PCDH15: variants seen among roughly 807,000 people sequenced by gnomAD.
PCDH15 encodes the protein protocadherin related 15, also known as protocadherin-15.
A neutral mutation model predicts 178.5 loss-of-function variants in PCDH15; 129 were observed. The ratio of observed to expected loss-of-function variants is 0.72; its 90% confidence interval spans 0.63 to 0.84. PCDH15 has a LOEUF of 0.84. Ranked by LOEUF, PCDH15 falls within the 40% of genes least tolerant of loss-of-function variation. The pLI is 0.00. For missense variants in PCDH15, 2,230 were observed against 2,099.9 expected (o/e 1.06, Z -1.21); for synonymous variants, 800 against 732.0 (o/e 1.09, Z -1.50).
intron 1 of PCDH15, among the ~76,000 whole-genome samples, chr10:54,682,268 T>C (rs1205169213): frequency 6.6e-6 from 1 of 152,188 alleles, no homozygotes; most frequent in Non-Finnish European, 1.5e-5. Flanking sequence ...TAATTAAGTC[T>C]TAAATATACG....
intron 27 of PCDH15, among the ~76,000 whole-genome samples, chr10:53,858,465 T>C: frequency 6.6e-6 from 1 of 152,118 alleles, no homozygotes; most frequent in East Asian, 1.9e-4. Flanking sequence ...CAGCTACTAC[T>C]CACCTCTAAG....
At chr10:54,404,650 G>A (rs778567944) in intron 3 of PCDH15, among the ~76,000 whole-genome samples, 2 of 151,966 alleles carry the variant, frequency 1.3e-5, no homozygotes, top group South Asian at 4.1e-4. Context: ...TTTGACAAAC[G>A]GGATCTAATT....
At chr10:55,607,827 A>C (rs1288418406) in intron 2 of PCDH15, among the ~76,000 whole-genome samples, 3 of 151,006 alleles carry the variant, frequency 2.0e-5, no homozygotes, top group African/African-American at 7.3e-5. Flanking sequence ...GCAGCGCACC[A>C]GCATGGCACA....
At chr10:54,833,697 C>A (rs866479150) in intron 3 of PCDH15, among the ~76,000 whole-genome samples, 1 of 152,318 alleles carries the variant, frequency 6.6e-6, no homozygotes, top group African/African-American at 2.4e-5. Flanking sequence ...CCCTGTTAGT[C>A]TCTCTATCTA....
At chr10:55,618,744 TC>T (rs1212160840) in intron 2 of PCDH15, among the ~76,000 whole-genome samples, 1 of 151,796 alleles carries the variant, frequency 6.6e-6, no homozygotes, top group Non-Finnish European at 1.5e-5. Context: ...AACAGTAGAG[TC>T]TGGAAGCCCA....
intron 3 of PCDH15, among the ~76,000 whole-genome samples, chr10:54,867,483 T>C (rs559618698): frequency 1.1e-4 from 16 of 152,138 alleles, no homozygotes; most frequent in Non-Finnish European, 2.1e-4. Context: ...TCATTCTTAT[T>C]TGACATTATC....
At chr10:53,978,073 A>C (rs1051991985) in intron 21 of PCDH15, among the ~76,000 whole-genome samples, 4 of 152,262 alleles carry the variant, frequency 2.6e-5, no homozygotes, top group East Asian at 3.9e-4. Flanking sequence ...GCAAACTGTC[A>C]GTGGATTTAC....
chr10:54,508,974 T>C (rs1473840015), intron 3 of PCDH15, among the ~76,000 whole-genome samples: 1 of 152,166 alleles, frequency 6.6e-6, no homozygotes. Context: ...CTAAAGGTAA[T>C]TTTAAATGAT....
intron 1 of PCDH15, among the ~76,000 whole-genome samples, chr10:54,721,182 A>T (rs1941534759): frequency 6.6e-6 from 1 of 152,020 alleles, no homozygotes; most frequent in Non-Finnish European, 1.5e-5. Flanking sequence ...AAGTTTTTGA[A>T]GCAATTGAAA....
chr10:55,176,769 C>A (rs771104608), intron 1 of PCDH15, among the ~76,000 whole-genome samples: 1 of 151,896 alleles, frequency 6.6e-6, no homozygotes, highest in African/African-American at 2.4e-5. Context: ...CAGTCCTGGA[C>A]CTAAAGGATG....
At chr10:54,180,981 C>T (rs759285936) in intron 13 of PCDH15, among the ~76,000 whole-genome samples, 18 of 152,190 alleles carry the variant, frequency 1.2e-4, no homozygotes, top group Non-Finnish European at 2.4e-4. Context: ...AGCCTTTGAT[C>T]CCCTAAGGCA....
At chr10:54,101,944 C>T (rs2094820014) in intron 15 of PCDH15, among the ~76,000 whole-genome samples, 1 of 152,054 alleles carries the variant, frequency 6.6e-6, no homozygotes, top group African/African-American at 2.4e-5. Flanking sequence ...CACTACACTC[C>T]AGCCTGGGCA....
intron 18 of PCDH15, among the ~76,000 whole-genome samples, chr10:54,037,658 C>G (rs1297848752): frequency 6.6e-6 from 1 of 151,868 alleles, no homozygotes; most frequent in East Asian, 1.9e-4. Flanking sequence ...TTTGTTGCAA[C>G]ATTTGCTGTA....
intron 2 of PCDH15, among the ~76,000 whole-genome samples, chr10:55,586,667 T>C (rs1397726083): frequency 1.3e-5 from 2 of 152,192 alleles, no homozygotes; most frequent in African/African-American, 4.8e-5. Flanking sequence ...TACTCTCATT[T>C]ATGCAGCTAA....
At chr10:54,065,153 G>T (rs1395596526) in intron 18 of PCDH15, among the ~76,000 whole-genome samples, 1 of 152,150 alleles carries the variant, frequency 6.6e-6, no homozygotes, top group African/African-American at 2.4e-5. Flanking sequence ...AAACTTGGCA[G>T]CCCATTGGCC....
At chr10:54,740,835 A>G (rs1394543252) in intron 1 of PCDH15, among the ~76,000 whole-genome samples, 1 of 151,992 alleles carries the variant, frequency 6.6e-6, no homozygotes, top group Non-Finnish European at 1.5e-5. Flanking sequence ...TTCTGGAGAT[A>G]ATGACTATAA....
chr10:54,005,544 G>A (rs1036165886), intron 20 of PCDH15, among the ~76,000 whole-genome samples: 5 of 151,844 alleles, frequency 3.3e-5, no homozygotes, highest in Non-Finnish European at 5.9e-5. Flanking sequence ...GTGATAAACC[G>A]GTATATAAAA....
intron 2 of PCDH15, among the ~76,000 whole-genome samples, chr10:55,610,999 G>A (rs1843354883): frequency 6.6e-6 from 1 of 152,122 alleles, no homozygotes; most frequent in African/African-American, 2.4e-5. Flanking sequence ...AAGAATCTCA[G>A]TGTTGTAAGA....
intron 15 of PCDH15, among the ~76,000 whole-genome samples, chr10:54,129,346 A>G (rs2042237730): frequency 6.6e-6 from 1 of 152,176 alleles, no homozygotes; most frequent in Non-Finnish European, 1.5e-5. Context: ...TTGAACACTG[A>G]TTTATCAAAC....
Sources: gnomAD v4.1 joint callset for allele counts (sites outside exome capture counted in the v4.1 genomes callset) on GRCh38, gnomAD v4.1.1 for gene constraint, MANE v1.5 for transcripts, NCBI Gene and HGNC (gene_info 2026-07-23, HGNC 2026-07-21) for gene names.